RARB: variants seen among roughly 807,000 people sequenced by gnomAD.
The protein encoded by RARB is HBV-activated protein.
A neutral mutation model predicts 51.9 loss-of-function variants in RARB; 17 were observed. The ratio of observed to expected loss-of-function variants is 0.33; its 90% CI spans 0.22 to 0.49. RARB has a LOEUF of 0.49. RARB is among the 20% of genes least tolerant of loss of function. The probability of loss-of-function intolerance (pLI) is 0.99; values close to 1 mark genes in which losing one functional copy is unlikely to be tolerated. For synonymous variants in RARB, 215 were observed against 195.4 expected (o/e 1.10, Z -0.84); for missense variants, 369 against 550.8 (o/e 0.67, Z 3.30).
intron 3 of RARB, among the ~76,000 whole-genome samples, chr3:25,086,770 G>A (rs1421218570): frequency 6.6e-6 from 1 of 152,120 alleles, no homozygotes; most frequent in Non-Finnish European, 1.5e-5. Flanking sequence ...GGTTGAAAGA[G>A]TTTATCTAAA....
intron 3 of RARB, among the ~76,000 whole-genome samples, chr3:25,519,274 G>A (rs930164232): frequency 4.6e-5 from 7 of 151,864 alleles, no homozygotes; most frequent in Non-Finnish European, 7.4e-5. Flanking sequence ...TATTTCTCCC[G>A]GGTATAGACC....
chr3:25,096,178 G>A (rs1699288848), intron 3 of RARB, among the ~76,000 whole-genome samples: 1 of 152,136 alleles, frequency 6.6e-6, no homozygotes. Flanking sequence ...TTTTTCAAGT[G>A]TCTCCCACTG....
chr3:25,372,818 T>A (rs1304525086), intron 5 of RARB, among the ~76,000 whole-genome samples: 1 of 152,164 alleles, frequency 6.6e-6, no homozygotes, highest in Non-Finnish European at 1.5e-5. Context: ...AGAGGAAGAC[T>A]CTATCTCCAA....
chr3:24,882,671 C>T (rs1319473338), intron 2 of RARB, among the ~76,000 whole-genome samples: 2 of 152,064 alleles, frequency 1.3e-5, no homozygotes, highest in African/African-American at 4.8e-5. Context: ...TTACATTTTT[C>T]ATAGTTTAAC....
intron 4 of RARB, among the ~76,000 whole-genome samples, chr3:25,577,842 C>G (rs1018358425): frequency 6.7e-5 from 10 of 148,210 alleles, no homozygotes; most frequent in Admixed American, 3.4e-4. Flanking sequence ...TTAAGATGGC[C>G]CTGGGGGGCC....
At chr3:25,198,214 T>C (rs865977429) in intron 5 of RARB, among the ~76,000 whole-genome samples, 7 of 152,108 alleles carry the variant, frequency 4.6e-5, no homozygotes, top group Non-Finnish European at 7.4e-5. Context: ...GAAAACTGGA[T>C]GTCCACATGC....
At chr3:25,090,985 G>A (rs1401374056) in intron 3 of RARB, among the ~76,000 whole-genome samples, 2 of 152,142 alleles carry the variant, frequency 1.3e-5, no homozygotes, top group East Asian at 1.9e-4. Flanking sequence ...AGCTGAAGTA[G>A]GTTAAAGGAC....
chr3:24,833,787 T>C (rs543884934), intron 1 of RARB, among the ~76,000 whole-genome samples: 1 of 152,344 alleles, frequency 6.6e-6, no homozygotes, highest in South Asian at 2.1e-4. Context: ...TACCCACAGG[T>C]AGACCTGCCA....
chr3:25,305,061 G>C (rs1704124016), intron 5 of RARB, among the ~76,000 whole-genome samples: 1 of 152,100 alleles, frequency 6.6e-6, no homozygotes, highest in Non-Finnish European at 1.5e-5. Context: ...TGCACAACCA[G>C]AACTAGGATT....
At chr3:25,216,148 A>T (rs965583800) in intron 5 of RARB, among the ~76,000 whole-genome samples, 2 of 152,142 alleles carry the variant, frequency 1.3e-5, no homozygotes, top group Non-Finnish European at 2.9e-5. Context: ...TCAAACCACC[A>T]CCCATGGAAG....
intron 2 of RARB, among the ~76,000 whole-genome samples, chr3:24,978,382 C>T (rs1056186390): frequency 1.3e-5 from 2 of 152,038 alleles, no homozygotes; most frequent in African/African-American, 4.8e-5. Flanking sequence ...TCTGTCTGGT[C>T]CTGTACTTTT....
intron 3 of RARB, among the ~76,000 whole-genome samples, chr3:25,105,251 C>T (rs979757351): frequency 2.0e-5 from 3 of 152,030 alleles, no homozygotes; most frequent in African/African-American, 7.2e-5. Context: ...CTTTTTTCCT[C>T]CCCTACCTAA....
chr3:25,027,822 G>C (rs924666671), intron 2 of RARB, among the ~76,000 whole-genome samples: 1 of 152,122 alleles, frequency 6.6e-6, no homozygotes, highest in East Asian at 1.9e-4. Flanking sequence ...TTTCACTTCA[G>C]TAGTAAGGCT....
chr3:25,533,039 G>T (rs1318604581), intron 3 of RARB, among the ~76,000 whole-genome samples: 2 of 152,098 alleles, frequency 1.3e-5, no homozygotes, highest in Non-Finnish European at 2.9e-5. Context: ...AACTCAAAGA[G>T]AATTCTTTGT....
intron 5 of RARB, among the ~76,000 whole-genome samples, chr3:25,237,532 T>A (rs986790660): frequency 6.6e-6 from 1 of 152,158 alleles, no homozygotes; most frequent in East Asian, 1.9e-4. Context: ...CCTCCAAAAA[T>A]ATAATGTAAA....
In RARB at chr3:24,854,179, T is replaced by G. The variant is rs145625020; in HGVS notation, c.-458-4495T>G. ...AATTTGAGCATCCCCTCAGGCAGAT[T>G]GTTAGGCCTGCCAGGGCAAACATGC... On this transcript the variant is annotated intron_variant, in intron 1 of 11. Coordinates refer to the RARB transcript ENST00000383772. 9.2e-3 allele frequency among the ~76,000 whole-genome samples: 1,404 copies of G among 152,320 alleles called. 21 individuals are homozygous for G. The highest frequency in any genetic ancestry group is 0.032 in the African/African-American group (1,330 of 41,572).
At chr3:24,867,115 A>G (rs1295924911) in intron 2 of RARB, among the ~76,000 whole-genome samples, 1 of 152,086 alleles carries the variant, frequency 6.6e-6, no homozygotes, top group Non-Finnish European at 1.5e-5. Flanking sequence ...GGGGAAGTTT[A>G]TATTTTTGAC....
intron 5 of RARB, among the ~76,000 whole-genome samples, chr3:25,207,599 A>G (rs1701582326): frequency 6.6e-6 from 1 of 152,184 alleles, no homozygotes; most frequent in Non-Finnish European, 1.5e-5. Context: ...TTTCTATACT[A>G]AATGTTTTAT....
At chr3:25,553,757 C>G (rs1699938992) in intron 3 of RARB, among the ~76,000 whole-genome samples, 1 of 152,162 alleles carries the variant, frequency 6.6e-6, no homozygotes, top group African/African-American at 2.4e-5. Context: ...CGTTCCCAGG[C>G]CTCATGAGAA....
Sources: allele counts gnomAD v4.1 joint callset (sites outside exome capture counted in the v4.1 genomes callset), GRCh38; gene constraint gnomAD v4.1.1; transcripts MANE v1.5; gene names NCBI Gene and HGNC (gene_info 2026-07-23, HGNC 2026-07-21).